SUGCT: variants seen among roughly 807,000 people sequenced by gnomAD.
The protein encoded by SUGCT is succinyl-CoA:glutarate-CoA transferase.
A neutral mutation model predicts 55.0 loss-of-function variants in SUGCT; 41 were observed. That is an observed-to-expected ratio of 0.74 (90% CI 0.58 to 0.97). SUGCT has a LOEUF of 0.97. Among genes scored for constraint, SUGCT ranks in the 50% least tolerant of loss-of-function variants. The pLI is 0.00. For missense variants in SUGCT, 568 were observed against 547.8 expected, an observed-to-expected ratio of 1.04 and a Z score of -0.37; for synonymous variants, 187 against 200.4, an observed-to-expected ratio of 0.93 and a Z score of 0.56.
chr7:40,596,627 G>A (rs1047876023), intron 12 of SUGCT, among the ~76,000 whole-genome samples: 6 of 152,076 alleles, frequency 3.9e-5, no homozygotes, highest in African/African-American at 1.4e-4. Context: ...ATATATCTTT[G>A]GAAACTTGGA....
At chr7:40,161,278 T>C (rs1314294317) in intron 1 of SUGCT, among the ~76,000 whole-genome samples, 1 of 152,192 alleles carries the variant, frequency 6.6e-6, no homozygotes, top group Non-Finnish European at 1.5e-5. Context: ...CACATATGTA[T>C]CGCCCCCACG....
At position 40,608,790 on chromosome 7, in the gene SUGCT, G is replaced by A. The variant is rs1011753421; in HGVS notation, c.1089+112404G>A. ...TCTGTTTTACCAATGAGCCAAAAATGGTAAAAAGAAAAGAGGGAAAACACA... is the reference window on the plus strand; with the variant it reads ...TCTGTTTTACCAATGAGCCAAAAATAGTAAAAAGAAAAGAGGGAAAACACA... On this transcript the variant is annotated intron_variant, in intron 12 of 13. Coordinates refer to ENST00000335693, the MANE Select transcript of SUGCT (RefSeq NM_001193313.2). Among the ~76,000 whole-genome samples, 12 of 152,184 alleles carry A rather than the reference G, an allele frequency of 7.9e-5. No individual in the cohort carries two copies. The East Asian group carries it at 2.3e-3, about 29-fold the overall frequency.
At chr7:40,756,167 T>C (rs534487938) in intron 13 of SUGCT, among the ~76,000 whole-genome samples, 1 of 152,258 alleles carries the variant, frequency 6.6e-6, no homozygotes, top group African/African-American at 2.4e-5. Flanking sequence ...TTCTCTGGGT[T>C]TGAGACAGTA....
At chr7:40,533,196 C>T (rs1039178346) in intron 12 of SUGCT, among the ~76,000 whole-genome samples, 1 of 151,952 alleles carries the variant, frequency 6.6e-6, no homozygotes, top group Non-Finnish European at 1.5e-5. Context: ...ATGTGTTGAC[C>T]AATGAAACAA....
At chr7:40,143,609 C>T (rs1788098638) in intron 1 of SUGCT, among the ~76,000 whole-genome samples, 13 of 152,210 alleles carry the variant, frequency 8.5e-5, no homozygotes, top group Admixed American at 8.5e-4. Flanking sequence ...ATATTTGATC[C>T]ATTCCAACCA....
intron 13 of SUGCT, among the ~76,000 whole-genome samples, chr7:40,854,398 TC>T (rs1563050426): frequency 6.6e-5 from 7 of 106,480 alleles, no homozygotes; most frequent in South Asian, 3.4e-4. Context: ...AAAATTTTTT[TC>T]TTTCTTTCTT....
chr7:40,750,888 G>A (rs915044988), intron 13 of SUGCT, among the ~76,000 whole-genome samples: 1 of 152,134 alleles, frequency 6.6e-6, no homozygotes, highest in Non-Finnish European at 1.5e-5. Context: ...GTATTACTGA[G>A]TATATACTAT....
At chr7:40,962,247 G>A in the SUGCT span, among the ~76,000 whole-genome samples, 1 of 152,056 alleles carries the variant, frequency 6.6e-6, no homozygotes, top group Non-Finnish European at 1.5e-5. Flanking sequence ...TAGACACAGA[G>A]CACTGGTTGG....
rs570574638 is a variant in SUGCT at position 40,276,479 on chromosome 7, A to G, written c.720+1823A>G. On this transcript the variant is annotated intron_variant, in intron 8 of 13. Coordinates refer to ENST00000335693, the MANE Select transcript of SUGCT (RefSeq NM_001193313.2). ...GTTAATAACATCCACAGGAGGCCCT[A>G]TAGTTTTTATTTACACCAGTACTCA... Among the ~76,000 whole-genome samples the G allele has an allele frequency of 6.6e-5, 10 of 152,312 alleles. 1 individual carries two copies. In the South Asian group the frequency reaches 1.9e-3, roughly 28 times the overall value.
intron 3 of SUGCT, among the ~76,000 whole-genome samples, chr7:40,187,171 A>G (rs1785566621): frequency 6.6e-6 from 1 of 152,192 alleles, no homozygotes; most frequent in African/African-American, 2.4e-5. Context: ...CATTCTCAGC[A>G]AACTATCACA....
At chr7:40,792,209 A>T (rs573819495) in intron 13 of SUGCT, among the ~76,000 whole-genome samples, 154 of 152,280 alleles carry the variant, frequency 1.0e-3, no homozygotes, top group Middle Eastern at 3.4e-3. Context: ...AAATATGAAC[A>T]TGCGCCTGTG....
At chr7:40,907,353 A>T in the SUGCT span, among the ~76,000 whole-genome samples, 1 of 152,168 alleles carries the variant, frequency 6.6e-6, no homozygotes, top group African/African-American at 2.4e-5. Context: ...TGTGTAATCT[A>T]GTTTTTACCT....
Position 40,313,765 on chromosome 7 carries a change from G to C in SUGCT, c.721-2995G>C, listed in dbSNP as rs187942896. Reference sequence around the variant, plus strand: ...CCCATCTGTTTTTTTTTTTTGTTTTGTATTTTTAGTAGAGACAAGGTTTGC... The same window carrying C: ...CCCATCTGTTTTTTTTTTTTGTTTTCTATTTTTAGTAGAGACAAGGTTTGC... On this transcript the variant is annotated intron_variant, in intron 8 of 13. Transcript: ENST00000335693. 4.2e-3 allele frequency among the ~76,000 whole-genome samples: 600 copies of C among 143,250 alleles called. 3 individuals are homozygous for C. Among genetic ancestry groups the C allele is most frequent in the Non-Finnish European group, 5.2e-3 (338 of 65,574 alleles). The allele number at this position is 143,250 out of a possible 152,430, so 94.0% of individuals were successfully genotyped here.
At chr7:40,606,736 G>A (rs1798553114) in intron 12 of SUGCT, among the ~76,000 whole-genome samples, 2 of 152,126 alleles carry the variant, frequency 1.3e-5, no homozygotes. Context: ...AGGATTTAAT[G>A]TCAACCAACG....
the SUGCT span, among the ~76,000 whole-genome samples, chr7:40,870,050 G>A: frequency 1.6e-4 from 25 of 152,144 alleles, no homozygotes; most frequent in African/African-American, 6.0e-4. Context: ...TAATCAGTAA[G>A]TATATTTTGG....
At chr7:40,548,589 G>A (rs1246636884) in intron 12 of SUGCT, among the ~76,000 whole-genome samples, 1 of 151,902 alleles carries the variant, frequency 6.6e-6, no homozygotes, top group Non-Finnish European at 1.5e-5. Context: ...TATACCACGT[G>A]CCCACATATC....
chr7:40,415,058 AAAAATCTATCT>A (rs1399911369), intron 9 of SUGCT, among the ~76,000 whole-genome samples: 2 of 129,958 alleles, frequency 1.5e-5, no homozygotes, highest in African/African-American at 5.9e-5. Context: ...AAAAAAAAAA[AAAAATCTATCT>A]ATCTATCTAT....
intron 13 of SUGCT, among the ~76,000 whole-genome samples, chr7:40,777,123 C>T (rs925140869): frequency 1.3e-5 from 2 of 152,188 alleles, no homozygotes; most frequent in Non-Finnish European, 2.9e-5. Flanking sequence ...AGAGAATTTT[C>T]TTCTCTTCTC....
intron 13 of SUGCT, among the ~76,000 whole-genome samples, chr7:40,843,615 G>T (rs1322811968): frequency 6.6e-6 from 1 of 152,048 alleles, no homozygotes; most frequent in African/African-American, 2.4e-5. Flanking sequence ...GTTCCCAGCA[G>T]AGAAGAATGG....
Sources: gnomAD v4.1 joint callset for allele counts (sites outside exome capture counted in the v4.1 genomes callset) on GRCh38, gnomAD v4.1.1 for gene constraint, MANE v1.5 for transcripts, NCBI Gene and HGNC (gene_info 2026-07-23, HGNC 2026-07-21) for gene names.